Variants in IL1RAPL2 observed in about 807,000 individuals in gnomAD.
The protein encoded by IL1RAPL2 is X-linked interleukin-1 receptor accessory protein-like 2.
IL1RAPL2 carries 3 observed loss-of-function variants against 44.1 expected under a neutral mutation model. That is an observed-to-expected ratio of 0.07 (90% CI 0.03 to 0.18). The LOEUF (loss-of-function observed/expected upper bound fraction) is 0.18. Ranked by LOEUF, IL1RAPL2 falls within the 10% of genes least tolerant of loss-of-function variation. IL1RAPL2 has a pLI of 1.00. For missense variants in IL1RAPL2, 391 were observed against 496.4 expected, an observed-to-expected ratio of 0.79 and a Z score of 2.02; for synonymous variants, 181 against 178.8, an observed-to-expected ratio of 1.01 and a Z score of -0.10.
At chrX:105,062,161 T>G (rs999594862) in intron 2 of IL1RAPL2, among the ~76,000 whole-genome samples, 2 of 111,380 alleles carry the variant, frequency 1.8e-5, no homozygotes, top group Non-Finnish European at 3.8e-5. Context: ...GGCAGCGTGA[T>G]TTAATTTCTT....
At chrX:104,740,461 T>A (rs1672311886) in intron 2 of IL1RAPL2, among the ~76,000 whole-genome samples, 2 of 111,483 alleles carry the variant, frequency 1.8e-5, no homozygotes, top group African/African-American at 6.5e-5. Flanking sequence ...CCCAGAAAAC[T>A]GTTAGATTTA....
At chrX:104,915,810 A>G (rs1349192729) in intron 2 of IL1RAPL2, among the ~76,000 whole-genome samples, 1 of 111,850 alleles carries the variant, frequency 8.9e-6, no homozygotes, top group Non-Finnish European at 1.9e-5. Context: ...TCCCAGCACC[A>G]TTTATTAAAT....
chrX:104,941,926 A>C (rs1246636290), intron 2 of IL1RAPL2, among the ~76,000 whole-genome samples: 1 of 111,774 alleles, frequency 8.9e-6, no homozygotes, highest in Non-Finnish European at 1.9e-5. Context: ...ATGGCTAGCC[A>C]GTTTTCCCAG....
At chrX:105,131,099 T>A (rs2033021919) in intron 2 of IL1RAPL2, among the ~76,000 whole-genome samples, 1 of 97,428 alleles carries the variant, frequency 1.0e-5, no homozygotes, top group African/African-American at 3.8e-5. Flanking sequence ...ACTCAAATTC[T>A]AGTCTTGTTG....
intron 2 of IL1RAPL2, among the ~76,000 whole-genome samples, chrX:104,739,599 C>A (rs1351706717): frequency 9.0e-6 from 1 of 111,699 alleles, no homozygotes; most frequent in Non-Finnish European, 1.9e-5. Flanking sequence ...GATTGCTCCC[C>A]AGTGAGGCTG....
intron 5 of IL1RAPL2, among the ~76,000 whole-genome samples, chrX:105,373,486 T>C (rs1034593393): frequency 1.8e-5 from 2 of 112,155 alleles, no homozygotes; most frequent in African/African-American, 6.5e-5. Context: ...ACTCTGTTGA[T>C]AGTTTCTTTC....
At chrX:105,138,577 G>A (rs1346804410) in intron 2 of IL1RAPL2, among the ~76,000 whole-genome samples, 1 of 110,600 alleles carries the variant, frequency 9.0e-6, no homozygotes, top group Non-Finnish European at 1.9e-5. Flanking sequence ...CTTTGGGGTT[G>A]GGAAACTGGA....
chrX:104,944,631 A>G (rs1925295367), intron 2 of IL1RAPL2, among the ~76,000 whole-genome samples: 1 of 111,795 alleles, frequency 8.9e-6, no homozygotes, highest in South Asian at 3.7e-4. Context: ...ACTGGCACTT[A>G]TACTCTAAGT....
intron 2 of IL1RAPL2, among the ~76,000 whole-genome samples, chrX:105,073,487 C>T (rs377386326): frequency 1.9e-4 from 21 of 110,233 alleles, no homozygotes; most frequent in Admixed American, 1.5e-3. Flanking sequence ...CTATTGTGAA[C>T]AGTGCCGCAA....
At chrX:104,983,830 G>T (rs765080162) in intron 2 of IL1RAPL2, among the ~76,000 whole-genome samples, 10 of 107,757 alleles carry the variant, frequency 9.3e-5, no homozygotes, top group African/African-American at 3.0e-4. Context: ...CATTTTACTT[G>T]TTTCTAAATT....
chrX:105,186,505 C>T (rs2147607998), intron 2 of IL1RAPL2, among the ~76,000 whole-genome samples: 1 of 111,204 alleles, frequency 9.0e-6, no homozygotes, highest in Non-Finnish European at 1.9e-5. Flanking sequence ...TAAGGTGAGA[C>T]AGGGAGGGAA....
At chrX:105,257,685 A>G (rs2034326494) in intron 4 of IL1RAPL2, among the ~76,000 whole-genome samples, 1 of 112,157 alleles carries the variant, frequency 8.9e-6, no homozygotes, top group African/African-American at 3.2e-5. Flanking sequence ...TCATTATGTA[A>G]TACCCTTTTC....
chrX:104,979,133 A>G (rs1313477680), intron 2 of IL1RAPL2, among the ~76,000 whole-genome samples: 2 of 111,725 alleles, frequency 1.8e-5, no homozygotes, highest in Non-Finnish European at 3.8e-5. Context: ...AGGAATAGGA[A>G]GACAGGTCAA....
chrX:105,674,451 T>A (rs2037851242), intron 6 of IL1RAPL2, among the ~76,000 whole-genome samples: 1 of 112,045 alleles, frequency 8.9e-6, no homozygotes, highest in Non-Finnish European at 1.9e-5. Flanking sequence ...CTTCTTTTGG[T>A]GAAATTTGTC....
intron 2 of IL1RAPL2, among the ~76,000 whole-genome samples, chrX:105,159,589 G>A (rs1020838494): frequency 8.9e-6 from 1 of 112,444 alleles, no homozygotes; most frequent in Non-Finnish European, 1.9e-5. Context: ...AAGAGGTCCT[G>A]AATCTCATAA....
intron 2 of IL1RAPL2, among the ~76,000 whole-genome samples, chrX:105,030,743 C>G (rs868654941): frequency 1.8e-5 from 2 of 111,389 alleles, no homozygotes; most frequent in Non-Finnish European, 3.8e-5. Context: ...TTTTTTGGTT[C>G]CATATGAACT....
chrX:104,678,066 C>G (rs1235571718), intron 2 of IL1RAPL2, among the ~76,000 whole-genome samples: 3 of 112,694 alleles, frequency 2.7e-5, no homozygotes, highest in Non-Finnish European at 3.8e-5. Flanking sequence ...CTGCGTTGCT[C>G]ACGCTGACAG....
At chrX:104,867,738 T>C (rs756254493) in intron 2 of IL1RAPL2, among the ~76,000 whole-genome samples, 1 of 112,086 alleles carries the variant, frequency 8.9e-6, no homozygotes, top group African/African-American at 3.2e-5. Flanking sequence ...ATACACTCTT[T>C]GCAGTATGAC....
At chrX:105,679,824 T>C (rs779300436) in intron 6 of IL1RAPL2, among the ~76,000 whole-genome samples, 25 of 111,878 alleles carry the variant, frequency 2.2e-4, no homozygotes, top group Non-Finnish European at 4.7e-4. Context: ...TAATTATTTA[T>C]GAAAGTGCAG....
Sources: gnomAD v4.1 joint callset for allele counts (sites outside exome capture counted in the v4.1 genomes callset) on GRCh38, gnomAD v4.1.1 for gene constraint, MANE v1.5 for transcripts, NCBI Gene and HGNC (gene_info 2026-07-23, HGNC 2026-07-21) for gene names.